Variants in EMILIN2 observed in about 807,000 individuals in gnomAD.
The protein encoded by EMILIN2 is elastin microfibril interfacer 2.
In EMILIN2, 71 loss-of-function variants were observed where a neutral mutation model predicts 87.1. The observed-to-expected ratio is 0.82, with a 90% CI of 0.67 to 0.99. The LOEUF is 0.99. Ranked by LOEUF, EMILIN2 falls within the 50% of genes least tolerant of loss-of-function variation. EMILIN2 has a pLI of 0.00. For synonymous variants in EMILIN2, 581 were observed against 563.4 expected, an observed-to-expected ratio of 1.03 and a Z score of -0.44; for missense variants, 1,407 against 1,371.8, an observed-to-expected ratio of 1.03 and a Z score of -0.40.
chr18:2,913,267 C>T lies in EMILIN2; in HGVS notation c.3025C>T (p.His1009Tyr), dbSNP rs1430106548. The change falls in exon 8 of 8, where the codon CAC becomes TAC. Residue 1009 changes from histidine to tyrosine, a missense_variant. His to Tyr is a moderately conservative substitution (Grantham distance 83). Transcript: ENST00000254528. ...TACCTGCGGGGGCCCGGGGGCATTC[C>T]ACCTCATCGTGCACCTGAAGGCGGG... ...LHTCGGPGAFHLIVHLKAGDA... is the reference protein window; with the variant it reads ...LHTCGGPGAFYLIVHLKAGDA... 6.2e-7 allele frequency: 1 copy of T among 1,613,748 alleles called. No individual in the cohort carries two copies. Among genetic ancestry groups the T allele is most frequent in the South Asian group, 1.1e-5 (1 of 91,068 alleles).
At chr18:2,911,503 T>C (rs763551378) in intron 7 of EMILIN2, among the ~76,000 whole-genome samples, 22 of 152,368 alleles carry the variant, frequency 1.4e-4, no homozygotes, top group Admixed American at 5.2e-4. Flanking sequence ...TGTCTGACTA[T>C]TGGGCGACTG....
At chr18:2,909,905 A>G in intron 7 of EMILIN2, 86 bp downstream of exon 7, 1 of 1,566,296 alleles carries the variant, frequency 6.4e-7, no homozygotes, top group Non-Finnish European at 8.6e-7. Context: ...GCTGGTTCCC[A>G]GCGTCCCGTG....
rs1431203107 is a variant in EMILIN2, at chr18:2,890,826, C to G, written c.699C>G (p.Pro233=). Residue 233 remains proline, a synonymous_variant, in exon 4 of 8, where the codon CCC becomes CCG. Coordinates refer to ENST00000254528, the MANE Select transcript of EMILIN2 (RefSeq NM_032048.3). This position sits in a 1 kb window ranked among gnomAD's most constrained non-coding sequence, Gnocchi z 4.7. The part of the protein sequence containing the change: ...TRAPGLSSQH[P]KPDTTVSGDT... ...CACCAGGGCTCAGCAGCCAGCACCCCAAGCCTGACACCACTGTTAGTGGAG... is the reference window on the plus strand; with the variant it reads ...CACCAGGGCTCAGCAGCCAGCACCCGAAGCCTGACACCACTGTTAGTGGAG... The G allele has an allele frequency of 6.2e-7, 1 of 1,613,844 alleles. No homozygotes were observed. Among genetic ancestry groups the G allele is most frequent in the South Asian group, 1.1e-5 (1 of 91,068 alleles).
rs549194963 is a variant in EMILIN2, at chr18:2,874,391, T to C, written c.258-10573T>C. On this transcript the variant is annotated intron_variant, in intron 2 of 7. Coordinates refer to ENST00000254528, the MANE Select transcript of EMILIN2 (RefSeq NM_032048.3). ...CTTTTTGTTGTTGGATAGATTCCTG[T>C]GTGTGTGTGTGTACCATCATTTGCT... is the stretch of plus-strand genomic sequence containing the variant. Among the ~76,000 whole-genome samples, 21 of 148,504 alleles carry C rather than the reference T, an allele frequency of 1.4e-4. No individual in the cohort carries two copies. In the South Asian group the frequency reaches 1.8e-3, roughly 13 times the overall value.
chr18:2,886,156 G>A (rs1598496865), intron 3 of EMILIN2, among the ~76,000 whole-genome samples: 1 of 151,954 alleles, frequency 6.6e-6, no homozygotes, highest in Admixed American at 6.6e-5. Context: ...AATATTTATT[G>A]AACTTCTATA....
At chr18:2,868,126 G>C (rs1260897164) in intron 2 of EMILIN2, among the ~76,000 whole-genome samples, 3 of 152,132 alleles carry the variant, frequency 2.0e-5, no homozygotes, top group Non-Finnish European at 4.4e-5. Context: ...CTCAGATGGG[G>C]CGGTTGCCAG....
At chr18:2,874,878 C>T (rs1218345590) in intron 2 of EMILIN2, among the ~76,000 whole-genome samples, 1 of 152,210 alleles carries the variant, frequency 6.6e-6, no homozygotes, top group Admixed American at 6.5e-5. Context: ...TGACTGGCAC[C>T]GTTTACAGGC....
intron 2 of EMILIN2, among the ~76,000 whole-genome samples, chr18:2,858,555 A>ATATATATATGTGTGTGTGTG (rs2076641232): frequency 1.9e-5 from 1 of 52,310 alleles, no homozygotes; most frequent in African/African-American, 1.5e-4. Context: ...ATATATATAT[A>ATATATATATGTGTGTGTGTG]TATATATATA....
At chr18:2,853,412 C>T (rs562776425) in intron 2 of EMILIN2, among the ~76,000 whole-genome samples, 4 of 152,128 alleles carry the variant, frequency 2.6e-5, no homozygotes, top group Non-Finnish European at 5.9e-5. Context: ...GAGGTTCTGC[C>T]TTGGTCATGG....
rs2076853438 is a variant in EMILIN2, at chr18:2,894,269, A to G, written c.2359+1783A>G. ...GTGGAGAGGGTCCGAGGTAGGTGGG[A>G]AAATGCCCTGGATGTCCCCAGAGCA... On this transcript the variant is annotated intron_variant, in intron 4 of 7. Transcript: ENST00000254528. The surrounding 1 kb of genome is among the most constrained non-coding windows in gnomAD (Gnocchi z 5.0). Among the ~76,000 whole-genome samples the G allele has an allele frequency of 6.6e-6, 1 of 152,098 alleles. No homozygotes were observed. The highest frequency in any genetic ancestry group is 1.5e-5 in the Non-Finnish European group (1 of 68,006).
intron 2 of EMILIN2, among the ~76,000 whole-genome samples, chr18:2,872,273 C>T (rs58632490): frequency 0.03 from 4,578 of 152,238 alleles, 255 homozygotes; most frequent in African/African-American, 0.11. Context: ...CTAAGAATCA[C>T]GTGATCTGGG....
At chr18:2,886,898 C>T (rs2076805913) in intron 3 of EMILIN2, among the ~76,000 whole-genome samples, 1 of 152,198 alleles carries the variant, frequency 6.6e-6, no homozygotes, top group Non-Finnish European at 1.5e-5. Context: ...AGCCTTCTCA[C>T]TTGCCCTACC....
At chr18:2,906,629 C>T (rs879716696) in intron 4 of EMILIN2, 154 bp from the exon 5 acceptor site, 3 of 556,172 alleles carry the variant, frequency 5.4e-6, no homozygotes, top group Non-Finnish European at 7.9e-6. Flanking sequence ...TGCGGGCGGA[C>T]GCCCGTGTGT....
intron 2 of EMILIN2, among the ~76,000 whole-genome samples, chr18:2,869,663 G>A (rs547580181): frequency 2.0e-5 from 3 of 152,096 alleles, no homozygotes; most frequent in South Asian, 4.2e-4. Context: ...GAACTCCTGG[G>A]CTTAAGTGAT....
chr18:2,906,871 C>T lies in EMILIN2; in HGVS notation c.2448C>T (p.Thr816=), dbSNP rs1219384415. 4 of 1,377,252 alleles carry T rather than the reference C, an allele frequency of 2.9e-6. No individual in the cohort carries two copies. The highest frequency in any genetic ancestry group is 3.1e-5 in the East Asian group (1 of 31,824). The allele number at this position is 1,377,252 out of a possible 1,614,324, so 85.3% of individuals were successfully genotyped here. Residue 816 remains threonine (T), a synonymous_variant, in exon 5 of 8, where the codon ACC becomes ACT. Transcript: ENST00000254528. The part of the protein sequence containing the change: ...PAPPRPSGPA[T]AEDPGRRPVL... ...CGCCGAGGCCCAGCGGCCCCGCAAC[C>T]GCAGAGGACCCTGGGCGACGGCCCG... is the stretch of plus-strand genomic sequence containing the variant.
At position 2,891,904 on chromosome 18, in the gene EMILIN2, A is replaced by G; in HGVS notation, c.1777A>G (p.Lys593Glu). ...LKSLNDTMHR[K>E]FQETEQTIQK... is the part of the protein sequence containing the mutation. ...ATCTCTCAACGACACGATGCACAGGAAGTTTCAAGAAACCGAACAAACCAT... is the reference window on the plus strand; with the variant it reads ...ATCTCTCAACGACACGATGCACAGGGAGTTTCAAGAAACCGAACAAACCAT... The change falls in exon 4 of 8, where the codon AAG becomes GAG. Residue 593 changes from lysine to glutamate, a missense_variant. Physicochemically the swap from Lys to Glu is moderately conservative, Grantham distance 56. Transcript: ENST00000254528. This position sits in a 1 kb window ranked among gnomAD's most constrained non-coding sequence, Gnocchi z 4.6. 2 of 1,614,246 alleles carry G rather than the reference A, an allele frequency of 1.2e-6. No individual in the cohort carries two copies. Among genetic ancestry groups the G allele is most frequent in the Non-Finnish European group, 8.5e-7 (1 of 1,180,050 alleles).
chr18:2,867,567 G>A (rs1191917241), intron 2 of EMILIN2, among the ~76,000 whole-genome samples: 1 of 152,232 alleles, frequency 6.6e-6, no homozygotes, highest in Non-Finnish European at 1.5e-5. Flanking sequence ...CGAGCATGCT[G>A]CCTTCAAGCA....
In EMILIN2 at chr18:2,890,042, A is replaced by G. The variant is rs1383815883; in HGVS notation, c.434-519A>G. Among the ~76,000 whole-genome samples the G allele has an allele frequency of 1.3e-5, 2 of 151,804 alleles. No individual in the cohort carries two copies. Among genetic ancestry groups the G allele is most frequent in the Non-Finnish European group, 3.0e-5 (2 of 67,706 alleles). On this transcript the variant is annotated intron_variant, in intron 3 of 7. Transcript: ENST00000254528. The surrounding 1 kb of genome is among the most constrained non-coding windows in gnomAD (Gnocchi z 4.7). ...ACATTCAGGCACTGCTTTGAGGATA[A>G]CATCAGAAAATATGATATCATATGA...
intron 2 of EMILIN2, among the ~76,000 whole-genome samples, chr18:2,869,786 T>TGTTTGTGTGTG (rs1568461094): frequency 1.2e-3 from 70 of 59,152 alleles, no homozygotes; most frequent in African/African-American, 3.9e-3. Context: ...GTGTGTGTGT[T>TGTTTGTGTGTG]TGTGTGTGTG....
Sources: allele counts gnomAD v4.1 joint callset (sites outside exome capture counted in the v4.1 genomes callset), GRCh38; gene constraint gnomAD v4.1.1; non-coding constraint Gnocchi (gnomAD v3.1); transcripts MANE v1.5; gene names NCBI Gene and HGNC (gene_info 2026-07-23, HGNC 2026-07-21).